OR7D2: variants seen among roughly 807,000 people sequenced by gnomAD.
OR7D2 encodes the protein olfactory receptor family 7 subfamily D member 2, also known as olfactory receptor 7D2.
For missense variants in OR7D2, 370 were observed against 384.1 expected (o/e 0.96, Z 0.31); for synonymous variants, 158 against 158.7 (o/e 1.00, Z 0.03).
At chr19:9,183,026 T>C in intron 2 of OR7D2, 1 of 399,042 alleles carries the variant, frequency 2.5e-6, no homozygotes, top group Non-Finnish European at 5.1e-6. Flanking sequence ...ACAGCCACCG[T>C]AGGTTTTCTT....
chr19:9,181,748 G>A (rs760925982), intron 2 of OR7D2, among the ~76,000 whole-genome samples: 3 of 152,070 alleles, frequency 2.0e-5, no homozygotes, highest in African/African-American at 4.8e-5. Flanking sequence ...CTCCATGCCT[G>A]GCATTTCTTT....
chr19:9,186,531 A>G lies in OR7D2; in HGVS notation c.750A>G (p.Leu250=). 1 of 1,613,038 alleles carries G rather than the reference A, an allele frequency of 6.2e-7. No individual in the cohort carries two copies. Among genetic ancestry groups the G allele is most frequent in the Non-Finnish European group, 8.5e-7 (1 of 1,179,620 alleles). The change falls in exon 3 of 3, where the codon TTA becomes TTG. Residue 250 remains leucine, a synonymous_variant. Coordinates refer to ENST00000641288, the MANE Select transcript of OR7D2 (RefSeq NM_175883.4). ...TCGSHLSVVS[L]FYGTGIGVHF... The stretch of plus-strand genomic sequence containing the variant: ...GGTCTCACCTCTCCGTCGTTTCTTT[A>G]TTTTATGGGACAGGCATTGGGGTCC...
rs1347535238 is a variant in OR7D2, at chr19:9,180,795, C to CG, written c.-14+10dup. The CG allele has an allele frequency of 1.3e-5, 2 of 151,822 alleles. No individual in the cohort carries two copies. Among genetic ancestry groups the CG allele is most frequent in the Non-Finnish European group, 2.9e-5 (2 of 67,998 alleles). The allele number at this position is 151,822 out of a possible 1,614,324, so 9.4% of individuals were successfully genotyped here. ...TGCCACAAAGAAACTTCAGGTTCGT[C>CG]GGGCTTCATGGTGTATTTGTCTAAA... On this transcript the variant is annotated splice_region_variant and intron_variant, in intron 2 of 2. Transcript: ENST00000641288.
At chr19:9,185,282 TATATA>T (rs2051022126) in intron 2 of OR7D2, among the ~76,000 whole-genome samples, 1 of 152,058 alleles carries the variant, frequency 6.6e-6, no homozygotes, top group African/African-American at 2.4e-5. Context: ...TCTCATAACA[TATATA>T]GTATACGTTG....
chr19:9,180,903 T>C (rs2050985021), intron 2 of OR7D2, 115 bp downstream of exon 2: 1 of 152,064 alleles, frequency 6.6e-6, no homozygotes, highest in African/African-American at 2.4e-5. Context: ...GGCGGGTGGA[T>C]CACCTGAGGT....
intron 2 of OR7D2, among the ~76,000 whole-genome samples, chr19:9,181,135 GT>G (rs2050986814): frequency 1.3e-5 from 2 of 151,362 alleles, no homozygotes; most frequent in African/African-American, 2.4e-5. Context: ...AAAAAAAATT[GT>G]TTCACATAAC....
intron 2 of OR7D2, among the ~76,000 whole-genome samples, chr19:9,184,971 AT>A (rs2051019634): frequency 7.3e-6 from 1 of 136,060 alleles, no homozygotes; most frequent in East Asian, 2.0e-4. Context: ...TATGTGGAAT[AT>A]TTTTTTTAAA....
Position 9,186,631 on chromosome 19 carries a change from A to G in OR7D2, c.850A>G (p.Met284Val). The G allele has an allele frequency of 6.2e-7, 1 of 1,613,800 alleles. No individual in the cohort carries two copies. Among genetic ancestry groups the G allele is most frequent in the Non-Finnish European group, 8.5e-7 (1 of 1,179,958 alleles). The change falls in exon 3 of 3, where the codon ATG becomes GTG. Residue 284 changes from methionine (M) to valine (V), a missense_variant. Physicochemically the swap from Met to Val is conservative, Grantham distance 21 (BLOSUM62 1). Transcript: ENST00000641288. The part of the protein sequence containing the change: ...ASVMYTVVTP[M>V]LNPFIYSLRN... ...GGTGATGTACACTGTGGTCACCCCC[A>G]TGTTGAACCCCTTCATCTACAGCCT...
Position 9,186,398 on chromosome 19 carries a change from T to C in OR7D2, c.617T>C (p.Leu206Pro). ...TTGATATACTTTATGACGGGTGTGC[T>C]GGGCGTTTTTCCCCTCCTTGGGATC... ...STLIYFMTGV[L>P]GVFPLLGIIF... The change falls in exon 3 of 3, where the codon CTG becomes CCG. Residue 206 changes from leucine to proline, a missense_variant. Physicochemically the swap from Leu to Pro is moderately conservative, Grantham distance 98 (BLOSUM62 -3). Coordinates refer to ENST00000641288, the MANE Select transcript of OR7D2 (RefSeq NM_175883.4). 6.2e-7 allele frequency: 1 copy of C among 1,614,220 alleles called. No homozygotes were observed. The highest frequency in any genetic ancestry group is 1.3e-5 in the African/African-American group (1 of 75,070).
intron 2 of OR7D2, chr19:9,183,072 T>C (rs1321061629): frequency 9.4e-6 from 3 of 319,790 alleles, no homozygotes; most frequent in Non-Finnish European, 2.0e-5. Flanking sequence ...AATTCTACTT[T>C]GCTTCCCCAG....
rs960214077 is a variant in OR7D2 at position 9,185,886 on chromosome 19, C to T, written c.105C>T (p.Tyr35=). 6.2e-7 allele frequency: 1 copy of T among 1,613,904 alleles called. No homozygotes were observed. The highest frequency in any genetic ancestry group is 1.7e-5 in the Admixed American group (1 of 60,014). ...PFIFGLFLSM[Y]LVTVLGNLLI... is the part of the protein sequence containing the mutation. ...TATTTGGGCTGTTCCTGTCCATGTA[C>T]CTGGTGACGGTGCTGGGAAACCTGC... Residue 35 remains tyrosine, a synonymous_variant, in exon 3 of 3, where the codon TAC becomes TAT. Coordinates refer to ENST00000641288, the MANE Select transcript of OR7D2 (RefSeq NM_175883.4).
Position 9,184,791 on chromosome 19 carries a change from ATG to A in OR7D2, c.-13-970_-13-969del, listed in dbSNP as rs550720795. ...TGTGTGTGTATATATATGTATGTGTATGTGTGTGTATATATATTTTTACACAA... is the reference window on the plus strand; with the variant it reads ...TGTGTGTGTATATATATGTATGTGTATGTGTGTATATATATTTTTACACAA... On this transcript the variant is annotated intron_variant, in intron 2 of 2. Transcript: ENST00000641288. Among the ~76,000 whole-genome samples the A allele has an allele frequency of 4.6e-5, 7 of 152,202 alleles. No homozygotes were observed. In the South Asian group the frequency reaches 6.2e-4, roughly 14 times the overall value.
chr19:9,185,857 T>G lies in OR7D2; in HGVS notation c.76T>G (p.Phe26Val). 6.2e-7 allele frequency: 1 copy of G among 1,613,038 alleles called. No homozygotes were observed. The highest frequency in any genetic ancestry group is 8.5e-7 in the Non-Finnish European group (1 of 1,179,456). Residue 26 changes from phenylalanine (F) to valine (V), a missense_variant, in exon 3 of 3, where the codon TTC becomes GTC. Physicochemically the swap from Phe to Val is conservative, Grantham distance 50. Coordinates refer to ENST00000641288, the MANE Select transcript of OR7D2 (RefSeq NM_175883.4). ...CTCTGAGGATCCAGAACTACAGCCG[T>G]TCATATTTGGGCTGTTCCTGTCCAT... ...GLSEDPELQP[F>V]IFGLFLSMYL...
chr19:9,186,758 C>A lies in OR7D2; in HGVS notation c.*38C>A. ...CCCCAGGACTAAGAAGTTTTGTGAG[C>A]ACCAATGGCAAAAATGTTTTATTTT... On this transcript the variant is annotated 3_prime_UTR_variant, in exon 3 of 3. Coordinates refer to ENST00000641288, the MANE Select transcript of OR7D2 (RefSeq NM_175883.4). The A allele has an allele frequency of 7.6e-7, 1 of 1,324,472 alleles. No individual in the cohort carries two copies. The highest frequency in any genetic ancestry group is 1.0e-6 in the Non-Finnish European group (1 of 959,768). The allele number at this position is 1,324,472 out of a possible 1,614,324, so 82.0% of individuals were successfully genotyped here. A position where few individuals can be genotyped will look rare whatever the true frequency, so the allele number is the denominator to read the frequency against.
intron 2 of OR7D2, 184 bp from the exon 3 acceptor site, chr19:9,185,567 GTTTTATTTTTATTTTATT>G (rs1013580331): frequency 1.9e-5 from 4 of 214,500 alleles, no homozygotes; most frequent in African/African-American, 9.3e-5. Context: ...TATATACATA[GTTTTATTTTTATTTTATT>G]TTTTATTTTT....
chr19:9,184,883 C>A (rs2051018988), intron 2 of OR7D2, among the ~76,000 whole-genome samples: 1 of 152,040 alleles, frequency 6.6e-6, no homozygotes, highest in South Asian at 2.1e-4. Flanking sequence ...TTTGCCACAA[C>A]ATGGATGAAT....
chr19:9,186,704 C>T lies in OR7D2; in HGVS notation c.923C>T (p.Ala308Val). The T allele has an allele frequency of 6.2e-7, 1 of 1,601,112 alleles. No homozygotes were observed. The highest frequency in any genetic ancestry group is 8.5e-7 in the Non-Finnish European group (1 of 1,175,732). Reference sequence around the variant, plus strand: ...GCCCTGGGGAGTCTCCTCAGCAGGGCAGCCTCTTGTTTGTGATGGATCCCT... The same window carrying T: ...GCCCTGGGGAGTCTCCTCAGCAGGGTAGCCTCTTGTTTGTGATGGATCCCT... ...KGALGSLLSRAASCL is the reference protein window; with the variant it reads ...KGALGSLLSRVASCL Residue 308 changes from alanine to valine, a missense_variant, in exon 3 of 3, where the codon GCA (alanine) becomes GTA (valine). Coordinates refer to ENST00000641288, the MANE Select transcript of OR7D2 (RefSeq NM_175883.4).
At chr19:9,183,052 G>T in intron 2 of OR7D2, 1 of 343,488 alleles carries the variant, frequency 2.9e-6, no homozygotes. Flanking sequence ...CATCCATTTT[G>T]TTCTTACGAA....
chr19:9,184,450 T>A (rs2051015616), intron 2 of OR7D2, among the ~76,000 whole-genome samples: 1 of 151,820 alleles, frequency 6.6e-6, no homozygotes, highest in Admixed American at 6.6e-5. Flanking sequence ...TTTGAGACTC[T>A]TTCTCAAAAA....
Sources: gnomAD v4.1 joint callset for allele counts (sites outside exome capture counted in the v4.1 genomes callset) on GRCh38, gnomAD v4.1.1 for gene constraint, MANE v1.5 for transcripts, NCBI Gene and HGNC (gene_info 2026-07-23, HGNC 2026-07-21) for gene names.